FOXP2: variants seen among roughly 807,000 people sequenced by gnomAD.
FOXP2 encodes the protein forkhead box protein P2.
FOXP2 carries 12 observed loss-of-function variants against 115.8 expected under a neutral mutation model. The observed-to-expected ratio is 0.10, with a 90% CI of 0.07 to 0.17. FOXP2 has a LOEUF of 0.17. Ranked by LOEUF, FOXP2 falls within the 10% of genes least tolerant of loss-of-function variation. The pLI is 1.00. For missense variants in FOXP2, 629 were observed against 843.5 expected, an observed-to-expected ratio of 0.75 and a Z score of 3.15; for synonymous variants, 328 against 297.7, an observed-to-expected ratio of 1.10 and a Z score of -1.05.
intron 2 of FOXP2, among the ~76,000 whole-genome samples, chr7:114,364,678 C>A (rs888437408): frequency 6.6e-6 from 1 of 152,016 alleles, no homozygotes. Flanking sequence ...AATTAGTTTA[C>A]ATTTAGATTT....
At chr7:114,647,441 A>G (rs758943313) in intron 8 of FOXP2, among the ~76,000 whole-genome samples, 2 of 151,552 alleles carry the variant, frequency 1.3e-5, no homozygotes, top group African/African-American at 4.8e-5. Flanking sequence ...TAATTCTTAT[A>G]TACTTTTTAA....
rs1179567887 is a variant in FOXP2 at position 114,528,363 on chromosome 7, C to T, written c.169-6254C>T. On this transcript the variant is annotated intron_variant, in intron 2 of 16. Transcript: ENST00000350908. ...ATGAACTCCTGAAGCATTTTTAAAA[C>T]ATTGTCTATGGCCTTTTGACATTCA... Among the ~76,000 whole-genome samples, 3 of 152,068 alleles carry T rather than the reference C, an allele frequency of 2.0e-5. No individual in the cohort carries two copies. The East Asian group carries it at 5.8e-4, about 29-fold the overall frequency.
chr7:114,503,787 A>G (rs1003121956), intron 2 of FOXP2, among the ~76,000 whole-genome samples: 3 of 151,348 alleles, frequency 2.0e-5, no homozygotes, highest in Non-Finnish European at 3.0e-5. Flanking sequence ...ATTAATAAAT[A>G]GCCTGTGCTC....
chr7:114,577,017 T>A (rs1054463101), intron 3 of FOXP2, among the ~76,000 whole-genome samples: 6 of 151,896 alleles, frequency 4.0e-5, no homozygotes, highest in African/African-American at 1.4e-4. Context: ...TTTATTCAAT[T>A]CTATGTGCAG....
chr7:114,461,727 C>T (rs1230847340), intron 2 of FOXP2, among the ~76,000 whole-genome samples: 1 of 152,032 alleles, frequency 6.6e-6, no homozygotes, highest in Non-Finnish European at 1.5e-5. Context: ...TTCTTCTTCA[C>T]TCCCTCCCTT....
chr7:114,550,955 A>G (rs1800176270), intron 3 of FOXP2, among the ~76,000 whole-genome samples: 1 of 151,854 alleles, frequency 6.6e-6, no homozygotes, highest in South Asian at 2.1e-4. Flanking sequence ...CAATACTGCT[A>G]GACTAAAGCA....
intron 2 of FOXP2, among the ~76,000 whole-genome samples, chr7:114,389,911 C>T (rs992186554): frequency 5.3e-5 from 8 of 150,734 alleles, no homozygotes; most frequent in African/African-American, 2.0e-4. Context: ...GTAATCCTAG[C>T]TACTCAGGAG....
intron 3 of FOXP2, among the ~76,000 whole-genome samples, chr7:114,535,409 A>G (rs1215339069): frequency 6.6e-6 from 1 of 151,676 alleles, no homozygotes; most frequent in Admixed American, 6.6e-5. Flanking sequence ...TGCATAAAAC[A>G]TCTCTCAAAG....
At chr7:114,370,996 T>A (rs908333520) in intron 2 of FOXP2, among the ~76,000 whole-genome samples, 1 of 152,220 alleles carries the variant, frequency 6.6e-6, no homozygotes, top group Admixed American at 6.5e-5. Context: ...TCTGGAGTTG[T>A]TCTCATAAAA....
intron 3 of FOXP2, among the ~76,000 whole-genome samples, chr7:114,612,402 T>C (rs1803681599): frequency 6.6e-6 from 1 of 152,002 alleles, no homozygotes; most frequent in Non-Finnish European, 1.5e-5. Context: ...TGTATATATG[T>C]GTGTATATAT....
intron 1 of FOXP2, among the ~76,000 whole-genome samples, chr7:114,125,508 A>G (rs1192384731): frequency 6.6e-6 from 1 of 152,104 alleles, no homozygotes; most frequent in Non-Finnish European, 1.5e-5. Flanking sequence ...TAACAACTGA[A>G]TCTGTGTTTC....
At chr7:114,544,129 A>G (rs764223312) in intron 3 of FOXP2, among the ~76,000 whole-genome samples, 8 of 152,092 alleles carry the variant, frequency 5.3e-5, no homozygotes, top group Admixed American at 1.3e-4. Flanking sequence ...TGTCAGGGTT[A>G]TAGTCATGAG....
At chr7:114,450,951 C>T (rs1245820049) in intron 2 of FOXP2, among the ~76,000 whole-genome samples, 3 of 151,998 alleles carry the variant, frequency 2.0e-5, no homozygotes, top group South Asian at 2.1e-4. Flanking sequence ...TAAAGATACA[C>T]GTATAATTTT....
intron 1 of FOXP2, among the ~76,000 whole-genome samples, chr7:114,114,316 G>A (rs1254782619): frequency 6.6e-6 from 1 of 151,048 alleles, no homozygotes; most frequent in Non-Finnish European, 1.5e-5. Context: ...TTTAGGAAAG[G>A]AAATATTCTT....
chr7:114,575,373 TG>T (rs2129298313), intron 3 of FOXP2, among the ~76,000 whole-genome samples: 1 of 152,012 alleles, frequency 6.6e-6, no homozygotes, highest in Admixed American at 6.6e-5. Flanking sequence ...GAGTCAATTC[TG>T]TTGGATGTAA....
chr7:114,375,242 A>G (rs1246579821), intron 2 of FOXP2, among the ~76,000 whole-genome samples: 3 of 152,226 alleles, frequency 2.0e-5, no homozygotes, highest in African/African-American at 7.2e-5. Context: ...GTCATTTGGA[A>G]CAAAATGTAT....
intron 3 of FOXP2, among the ~76,000 whole-genome samples, chr7:114,535,145 CTGTT>C (rs1316910731): frequency 6.6e-6 from 1 of 151,660 alleles, no homozygotes; most frequent in Non-Finnish European, 1.5e-5. Context: ...GCCAAAAAAA[CTGTT>C]TGAGTTTGCC....
At chr7:114,434,447 G>T (rs912764502) in intron 2 of FOXP2, among the ~76,000 whole-genome samples, 1 of 141,038 alleles carries the variant, frequency 7.1e-6, no homozygotes, top group Non-Finnish European at 1.6e-5. Flanking sequence ...ATGGGGGGGG[G>T]GGATAAGGTA....
At chr7:114,352,282 GAAAGAA>G (rs907538100) in intron 2 of FOXP2, among the ~76,000 whole-genome samples, 16 of 151,784 alleles carry the variant, frequency 1.1e-4, no homozygotes, top group Non-Finnish European at 2.2e-4. Context: ...AAAAAAGAAA[GAAAGAA>G]AAAGAAAAAG....
Sources: gnomAD v4.1 joint callset for allele counts (sites outside exome capture counted in the v4.1 genomes callset) on GRCh38, gnomAD v4.1.1 for gene constraint, MANE v1.5 for transcripts, NCBI Gene and HGNC (gene_info 2026-07-23, HGNC 2026-07-21) for gene names.